TARS3: variants seen among roughly 807,000 people sequenced by gnomAD.
TARS3 encodes threonine--tRNA ligase 2, cytoplasmic.
TARS3 carries 94 observed loss-of-function variants against 103.5 expected under a neutral mutation model. That is an observed-to-expected ratio of 0.91 (90% CI 0.77 to 1.08). The LOEUF is 1.08. TARS3 is among the 50% of genes least tolerant of loss of function. TARS3 has a pLI of 0.00. For synonymous variants in TARS3, 416 were observed against 355.4 expected (o/e 1.17, Z -1.92); for missense variants, 952 against 995.2 (o/e 0.96, Z 0.58).
At chr15:101,686,436 G>A (rs1050816935) in intron 10 of TARS3, among the ~76,000 whole-genome samples, 1 of 152,044 alleles carries the variant, frequency 6.6e-6, no homozygotes, top group African/African-American at 2.4e-5. Context: ...AAGCCTGAAT[G>A]CCATGTTGCA....
At chr15:101,694,451 G>A (rs565513353) in intron 10 of TARS3, among the ~76,000 whole-genome samples, 17 of 152,344 alleles carry the variant, frequency 1.1e-4, no homozygotes, top group Non-Finnish European at 2.1e-4. Flanking sequence ...AAAGGCTACT[G>A]ATATTGGACC....
At chr15:101,722,353 T>C (rs1321051488) in intron 2 of TARS3, among the ~76,000 whole-genome samples, 1 of 151,848 alleles carries the variant, frequency 6.6e-6, no homozygotes, top group Non-Finnish European at 1.5e-5. Flanking sequence ...TGTTCTCTAG[T>C]TGTTTGTCCT....
At chr15:101,705,529 T>C (rs1373151025) in intron 7 of TARS3, among the ~76,000 whole-genome samples, 154 bp downstream of exon 7, 7 of 152,216 alleles carry the variant, frequency 4.6e-5, no homozygotes, top group Non-Finnish European at 1.0e-4. Flanking sequence ...TAATCATTTC[T>C]CTTTAGTGAA....
chr15:101,668,452 T>TTTA (rs970994570), intron 15 of TARS3, among the ~76,000 whole-genome samples: 3 of 152,054 alleles, frequency 2.0e-5, no homozygotes, highest in African/African-American at 7.2e-5. Context: ...CCCCCTAAAA[T>TTTA]TATAAGAGTA....
At chr15:101,671,106 A>T (rs1362983356) in intron 15 of TARS3, among the ~76,000 whole-genome samples, 1 of 152,106 alleles carries the variant, frequency 6.6e-6, no homozygotes, top group Non-Finnish European at 1.5e-5. Context: ...ATTTTTAAAG[A>T]AGTTGTTGGT....
chr15:101,706,094 G>A (rs924950730), intron 6 of TARS3, among the ~76,000 whole-genome samples: 2 of 152,144 alleles, frequency 1.3e-5, no homozygotes, highest in African/African-American at 4.8e-5. Flanking sequence ...CCGTGTAGCT[G>A]GAATTACAGG....
chr15:101,690,312 T>G (rs1287575299), intron 10 of TARS3, among the ~76,000 whole-genome samples: 2 of 152,230 alleles, frequency 1.3e-5, no homozygotes, highest in African/African-American at 2.4e-5. Context: ...TTTTTTATTT[T>G]ATAAAATATA....
intron 12 of TARS3, among the ~76,000 whole-genome samples, chr15:101,681,261 G>A (rs959583072): frequency 1.3e-5 from 2 of 152,086 alleles, no homozygotes; most frequent in Non-Finnish European, 2.9e-5. Flanking sequence ...CTAGGTTCTT[G>A]TGCTTTCTAT....
At chr15:101,664,440 A>G (rs930255562) in intron 15 of TARS3, 2 of 152,248 alleles carry the variant, frequency 1.3e-5, no homozygotes, top group Non-Finnish European at 2.9e-5. Flanking sequence ...AATCAGGCAA[A>G]AAGTTAGAGG....
intron 5 of TARS3, among the ~76,000 whole-genome samples, chr15:101,711,411 T>G (rs2141445206): frequency 6.6e-6 from 1 of 152,342 alleles, no homozygotes; most frequent in African/African-American, 2.4e-5. Context: ...AGGTTAGAAC[T>G]GCATGGGTCC....
At chr15:101,691,682 CAA>C (rs1898732658) in intron 10 of TARS3, among the ~76,000 whole-genome samples, 1 of 152,154 alleles carries the variant, frequency 6.6e-6, no homozygotes, top group Non-Finnish European at 1.5e-5. Flanking sequence ...GTGTGTGTGA[CAA>C]GAGCAGTTAA....
At position 101,675,467 on chromosome 15, in the gene TARS3, T is replaced by A. The variant is rs143652296; in HGVS notation, c.1788+133A>T. The A allele has an allele frequency of 4.4e-4, 348 of 789,272 alleles. 3 individuals are homozygous for A. In the African/African-American group the frequency reaches 5.4e-3, roughly 12 times the overall value. 48.9% of individuals were successfully genotyped at this position (789,272 alleles called of 1,614,324 possible). ...AATGGGATAACCACATTCTACAACC[T>A]ATATATCTATCTCATAATTTCCAGG... On this transcript the variant is annotated intron_variant, in intron 13 of 18. Transcript: ENST00000335968.
rs1205730501 is a variant in TARS3 at position 101,654,530 on chromosome 15, A to AT, written c.*51dup. 3 of 1,586,864 alleles carry AT rather than the reference A, an allele frequency of 1.9e-6. No individual in the cohort carries two copies. The highest frequency in any genetic ancestry group is 2.7e-5 in the African/African-American group (2 of 73,020). ...AGTACTAACATGTTAAGAAAAATAC[A>AT]TTTTTAAGGGTCAAAACAAAGTTAC... On this transcript the variant is annotated 3_prime_UTR_variant, in exon 19 of 19. Coordinates refer to ENST00000335968, the MANE Select transcript of TARS3 (RefSeq NM_152334.3).
At chr15:101,683,834 C>A (rs546529054) in intron 12 of TARS3, among the ~76,000 whole-genome samples, 37 of 152,276 alleles carry the variant, frequency 2.4e-4, no homozygotes, top group African/African-American at 8.7e-4. Flanking sequence ...TCCACCAAAT[C>A]CCTTAAAATA....
rs756472956 is a variant in TARS3, at chr15:101,656,998, G to A, written c.2184C>T (p.Asp728=). 1.2e-5 allele frequency: 19 copies of A among 1,613,718 alleles called. 1 individual carries two copies. The South Asian group carries it at 1.4e-4, about 12-fold the overall frequency. Residue 728 remains aspartate (D), a synonymous_variant, in exon 18 of 19, where the codon GAC becomes GAT. Transcript: ENST00000335968. ...SEFFEEGFMA[D]VDLDHSCTLN... is the part of the protein sequence containing the mutation. ...GTGTACAACTGTGATCCAAGTCAAC[G>A]TCAGCCATAAATCCTTCTTCAAAAA...
chr15:101,673,139 G>A (rs1308319259), intron 13 of TARS3, among the ~76,000 whole-genome samples: 1 of 152,180 alleles, frequency 6.6e-6, no homozygotes, highest in Non-Finnish European at 1.5e-5. Flanking sequence ...TCCAGGCCAG[G>A]GTTAGTTATT....
At chr15:101,711,541 A>G (rs1443670674) in intron 5 of TARS3, among the ~76,000 whole-genome samples, 1 of 152,244 alleles carries the variant, frequency 6.6e-6, no homozygotes, top group Non-Finnish European at 1.5e-5. Flanking sequence ...CACTTCCACT[A>G]AATGAATGGT....
intron 3 of TARS3, 93 bp downstream of exon 3, chr15:101,721,033 G>T: frequency 9.8e-7 from 1 of 1,017,192 alleles, no homozygotes; most frequent in Non-Finnish European, 1.4e-6. Context: ...TCGTGAGAAT[G>T]GAGTAATATA....
chr15:101,664,990 G>A lies in TARS3; in HGVS notation c.1968-3174C>T, dbSNP rs189950004. ...TTTAAAAAGTCATTCGATGGATTCAGTAGCAACAGAGATGGTAAAGAGTTG... is the reference window on the plus strand; with the variant it reads ...TTTAAAAAGTCATTCGATGGATTCAATAGCAACAGAGATGGTAAAGAGTTG... On this transcript the variant is annotated intron_variant, in intron 15 of 18. Transcript: ENST00000335968. Among the ~76,000 whole-genome samples, 96 of 152,326 alleles carry A rather than the reference G, an allele frequency of 6.3e-4. 1 individual carries two copies. The highest frequency in any genetic ancestry group is 2.3e-3 in the African/African-American group (94 of 41,572).
Sources: allele counts gnomAD v4.1 joint callset (sites outside exome capture counted in the v4.1 genomes callset), GRCh38; gene constraint gnomAD v4.1.1; transcripts MANE v1.5; gene names NCBI Gene and HGNC (gene_info 2026-07-23, HGNC 2026-07-21).